Variants in AIG1 observed in about 807,000 individuals in gnomAD.
AIG1 encodes androgen-induced gene 1 protein.
Under a neutral mutation model 31.4 loss-of-function variants are expected in AIG1, and 23 were observed. The observed-to-expected ratio is 0.73, with a 90% CI of 0.53 to 1.04. The LOEUF (loss-of-function observed/expected upper bound fraction) is 1.04. Ranked by LOEUF, AIG1 falls within the 50% of genes least tolerant of loss-of-function variation. AIG1 has a pLI of 0.00. For missense variants in AIG1, 274 were observed against 295.0 expected (o/e 0.93, Z 0.52); for synonymous variants, 100 against 110.5 (o/e 0.90, Z 0.60).
At chr6:143,098,680 G>T (rs1206305459) in intron 1 of AIG1, among the ~76,000 whole-genome samples, 1 of 152,062 alleles carries the variant, frequency 6.6e-6, no homozygotes, top group Non-Finnish European at 1.5e-5. Context: ...AACTTTTCTT[G>T]ATTTTACCTC....
intron 3 of AIG1, among the ~76,000 whole-genome samples, chr6:143,173,707 T>C (rs947648448): frequency 6.6e-6 from 1 of 152,214 alleles, no homozygotes; most frequent in African/African-American, 2.4e-5. Context: ...AGGGTTCCTT[T>C]TGGAGTTGAT....
chr6:143,277,708 C>T (rs1797043243), intron 3 of AIG1, among the ~76,000 whole-genome samples: 1 of 152,164 alleles, frequency 6.6e-6, no homozygotes, highest in South Asian at 2.1e-4. Flanking sequence ...ATGAGGTTGG[C>T]CACACCTCAC....
chr6:143,168,130 A>C (rs1463875039), intron 3 of AIG1, among the ~76,000 whole-genome samples: 7 of 152,290 alleles, frequency 4.6e-5, no homozygotes, highest in Admixed American at 2.6e-4. Flanking sequence ...TTCTTGTTTA[A>C]ATAATATTTA....
chr6:143,248,590 A>G (rs1323174523), intron 3 of AIG1, among the ~76,000 whole-genome samples: 1 of 152,210 alleles, frequency 6.6e-6, no homozygotes, highest in Non-Finnish European at 1.5e-5. Context: ...TGAAACCCAA[A>G]GGGGCGGGCA....
chr6:143,301,381 CTTTT>C (rs531450078), intron 4 of AIG1, among the ~76,000 whole-genome samples: 20 of 152,196 alleles, frequency 1.3e-4, no homozygotes, highest in Non-Finnish European at 2.9e-4. Context: ...AGCAGTCTTT[CTTTT>C]GTTATTCACC....
At chr6:143,120,643 G>A (rs373704621) in intron 1 of AIG1, among the ~76,000 whole-genome samples, 7 of 152,270 alleles carry the variant, frequency 4.6e-5, no homozygotes, top group African/African-American at 7.2e-5. Context: ...GTCATAACAC[G>A]CGGGGATTAT....
chr6:143,063,645 A>G (rs1257895495), intron 1 of AIG1, among the ~76,000 whole-genome samples: 3 of 152,240 alleles, frequency 2.0e-5, no homozygotes, highest in Admixed American at 1.3e-4. Flanking sequence ...GCCTTGTACA[A>G]TATTAATGAG....
chr6:143,275,553 A>G (rs1796832842), intron 3 of AIG1, among the ~76,000 whole-genome samples: 1 of 152,148 alleles, frequency 6.6e-6, no homozygotes, highest in African/African-American at 2.4e-5. Context: ...CATGTCTTGC[A>G]GTGGTAACAG....
At chr6:143,203,664 A>G (rs1181175402) in intron 3 of AIG1, among the ~76,000 whole-genome samples, 1 of 152,176 alleles carries the variant, frequency 6.6e-6, no homozygotes, top group East Asian at 1.9e-4. Context: ...TTCTGTATAG[A>G]ATCAGAGAGA....
chr6:143,126,759 G>A (rs576516013), intron 1 of AIG1, among the ~76,000 whole-genome samples: 1 of 152,248 alleles, frequency 6.6e-6, no homozygotes, highest in Admixed American at 6.5e-5. Context: ...AAGGTCTCAA[G>A]CTCACACCAT....
intron 1 of AIG1, among the ~76,000 whole-genome samples, chr6:143,107,792 A>G (rs1344135034): frequency 6.6e-6 from 1 of 152,158 alleles, no homozygotes; most frequent in Non-Finnish European, 1.5e-5. Context: ...CAACTAAAAT[A>G]TCCTTCCACT....
At chr6:143,227,368 C>T (rs968908408) in intron 3 of AIG1, among the ~76,000 whole-genome samples, 13 of 152,028 alleles carry the variant, frequency 8.6e-5, no homozygotes, top group Non-Finnish European at 1.8e-4. Flanking sequence ...ACAGCTGCCC[C>T]GTGCCCCTGC....
At chr6:143,190,160 G>A in intron 3 of AIG1, 10 of 984,034 alleles carry the variant, frequency 1.0e-5, no homozygotes, top group Non-Finnish European at 1.2e-5. Context: ...TGAATTTTGA[G>A]GGGACAGAAA....
intron 3 of AIG1, among the ~76,000 whole-genome samples, chr6:143,171,503 TTTA>T (rs1445422687): frequency 1.6e-4 from 20 of 123,272 alleles, no homozygotes; most frequent in Admixed American, 4.7e-4. Flanking sequence ...ATAATATATA[TTTA>T]ATATATATAA....
chr6:143,234,654 T>C (rs1206189456), intron 3 of AIG1, among the ~76,000 whole-genome samples: 2 of 152,208 alleles, frequency 1.3e-5, no homozygotes, highest in South Asian at 4.1e-4. Context: ...CTTCCCTTTT[T>C]TTAACTGAGA....
intron 3 of AIG1, among the ~76,000 whole-genome samples, chr6:143,237,265 G>A (rs769093924): frequency 2.0e-5 from 3 of 152,134 alleles, no homozygotes; most frequent in Non-Finnish European, 2.9e-5. Flanking sequence ...CATCTACTGT[G>A]TGCCATGTAC....
chr6:143,065,253 C>T (rs1415040350), intron 1 of AIG1, among the ~76,000 whole-genome samples: 1 of 152,208 alleles, frequency 6.6e-6, no homozygotes, highest in Non-Finnish European at 1.5e-5. Flanking sequence ...GTTACAATGG[C>T]TGAGCTTCGG....
At chr6:143,198,736 G>A (rs1038175717) in intron 3 of AIG1, among the ~76,000 whole-genome samples, 1 of 152,168 alleles carries the variant, frequency 6.6e-6, no homozygotes, top group Non-Finnish European at 1.5e-5. Context: ...GAGGGGATGA[G>A]AGGGAAGGGC....
At chr6:143,240,397 A>C (rs1256565776) in intron 3 of AIG1, among the ~76,000 whole-genome samples, 1 of 152,246 alleles carries the variant, frequency 6.6e-6, no homozygotes, top group African/African-American at 2.4e-5. Context: ...TTTAGCTTGG[A>C]GAAGTTACAT....
Sources: allele counts gnomAD v4.1 joint callset (sites outside exome capture counted in the v4.1 genomes callset), GRCh38; gene constraint gnomAD v4.1.1; transcripts MANE v1.5; gene names NCBI Gene and HGNC (gene_info 2026-07-23, HGNC 2026-07-21).